The following CACNB2 variants were observed in gnomAD, a reference collection of about 807,000 sequenced individuals.
CACNB2 encodes the protein voltage-dependent L-type calcium channel subunit beta-2.
CACNB2 carries 42 observed loss-of-function variants against 73.3 expected under a neutral mutation model. The observed-to-expected ratio is 0.57, with a 90% CI of 0.45 to 0.74. The LOEUF (loss-of-function observed/expected upper bound fraction) is 0.74, where lower values mean the gene tolerates loss of function less well. Ranked by LOEUF, CACNB2 falls within the 30% of genes least tolerant of loss-of-function variation. CACNB2 has a pLI of 0.00. For synonymous variants in CACNB2, 348 were observed against 310.3 expected (o/e 1.12, Z -1.28); for missense variants, 940 against 853.0 (o/e 1.10, Z -1.27).
chr10:18,307,125 G>A (rs1417106747), intron 2 of CACNB2, among the ~76,000 whole-genome samples: 8 of 151,942 alleles, frequency 5.3e-5, no homozygotes, highest in South Asian at 2.1e-4. Flanking sequence ...AGGTGAAATC[G>A]TGTTTAAAAA....
intron 3 of CACNB2, among the ~76,000 whole-genome samples, chr10:18,419,127 G>A (rs2045174565): frequency 6.6e-6 from 1 of 152,190 alleles, no homozygotes; most frequent in Admixed American, 6.5e-5. Flanking sequence ...CTTTGGCTAT[G>A]ACAGAACAAG....
chr10:18,393,440 CTG>C (rs564671261), intron 2 of CACNB2, among the ~76,000 whole-genome samples: 70 of 152,278 alleles, frequency 4.6e-4, no homozygotes, highest in Non-Finnish European at 7.8e-4. Context: ...CTTCTATAAA[CTG>C]TAAATAGCCA....
rs144097536 is a variant in CACNB2, at chr10:18,281,390, T to C, written c.214-120534T>C. Among the ~76,000 whole-genome samples, 10 of 152,290 alleles carry C rather than the reference T, an allele frequency of 6.6e-5. 1 individual carries two copies. In the East Asian group the frequency reaches 1.5e-3, roughly 24 times the overall value. On this transcript the variant is annotated intron_variant, in intron 2 of 13. Coordinates refer to ENST00000324631, the MANE Select transcript of CACNB2 (RefSeq NM_201596.3). ...TTAGGAGCTGTGTGGGAAACAACAA[T>C]GAAAGTCAAACCACTTACCCTCAAG...
Position 18,298,869 on chromosome 10 carries a change from G to C in CACNB2, c.214-103055G>C, listed in dbSNP as rs187545636. ...GCAAAAACTGCTGTATGGGCTGTGTGGGCACACCTTTGAGCTCTTAGATGG... is the reference window on the plus strand; with the variant it reads ...GCAAAAACTGCTGTATGGGCTGTGTCGGCACACCTTTGAGCTCTTAGATGG... On this transcript the variant is annotated intron_variant, in intron 2 of 13. Transcript: ENST00000324631. 2.6e-4 allele frequency among the ~76,000 whole-genome samples: 40 copies of C among 152,174 alleles called. 1 individual carries two copies. Among genetic ancestry groups the C allele is most frequent in the African/African-American group, 9.4e-4 (39 of 41,528 alleles).
chr10:18,482,863 T>C (rs1589494333), intron 3 of CACNB2, among the ~76,000 whole-genome samples: 1 of 151,996 alleles, frequency 6.6e-6, no homozygotes, highest in Non-Finnish European at 1.5e-5. Context: ...ATTCTCAGAG[T>C]TTATTTGTAG....
intron 2 of CACNB2, chr10:18,260,529 T>C: frequency 2.0e-6 from 2 of 985,580 alleles, no homozygotes; most frequent in Non-Finnish European, 2.4e-6. Context: ...TTACAATTCA[T>C]GTGAAATACC....
intron 2 of CACNB2, among the ~76,000 whole-genome samples, chr10:18,197,116 A>T (rs924848995): frequency 1.3e-5 from 2 of 151,982 alleles, no homozygotes; most frequent in Admixed American, 6.6e-5. Context: ...CCCTATAATG[A>T]TCATGACATT....
At chr10:18,375,671 A>G (rs927107856) in intron 2 of CACNB2, among the ~76,000 whole-genome samples, 1 of 152,214 alleles carries the variant, frequency 6.6e-6, no homozygotes, top group Non-Finnish European at 1.5e-5. Context: ...GACATCTCTG[A>G]TAATCGTAGG....
At chr10:18,519,628 A>C (rs1030038287) in intron 9 of CACNB2, 1 of 440,742 alleles carries the variant, frequency 2.3e-6, no homozygotes, top group Non-Finnish European at 4.5e-6. Context: ...GTTCTAATGG[A>C]AACTCCATCA....
rs188399907 is a variant in CACNB2, at chr10:18,288,773, G to A, written c.214-113151G>A. Among the ~76,000 whole-genome samples, 23 of 151,560 alleles carry A rather than the reference G, an allele frequency of 1.5e-4. No homozygotes were observed. The East Asian group carries it at 4.1e-3, about 27-fold the overall frequency. On this transcript the variant is annotated intron_variant, in intron 2 of 13. Transcript: ENST00000324631. ...AAAAATCCTTTTCTCTGCCAGGCGC[G>A]GTGCCTCACACCTATAATCCCAGCA... is the stretch of plus-strand genomic sequence containing the variant.
At chr10:18,503,459 G>A (rs187159638) in intron 5 of CACNB2, among the ~76,000 whole-genome samples, 1 of 152,242 alleles carries the variant, frequency 6.6e-6, no homozygotes, top group Admixed American at 6.5e-5. Context: ...AGCTGGGTGT[G>A]GTGGTGCACA....
At chr10:18,156,600 T>C (rs1178910763) in intron 2 of CACNB2, among the ~76,000 whole-genome samples, 5 of 152,194 alleles carry the variant, frequency 3.3e-5, no homozygotes, top group African/African-American at 1.2e-4. Context: ...CTGTGAAATA[T>C]GAGGTTGCTG....
chr10:18,496,814 C>CAA (rs905870687), intron 3 of CACNB2, among the ~76,000 whole-genome samples: 3,200 of 44,980 alleles, frequency 0.071, 248 homozygotes, highest in African/African-American at 0.11. Flanking sequence ...AACTCCGCCT[C>CAA]AAAAAAAAAA....
intron 2 of CACNB2, among the ~76,000 whole-genome samples, chr10:18,221,758 A>C (rs1413083843): frequency 6.6e-6 from 1 of 152,236 alleles, no homozygotes; most frequent in Non-Finnish European, 1.5e-5. Flanking sequence ...AATTCATTGC[A>C]AAAGAAGTAA....
At chr10:18,405,598 C>T (rs1301521159) in intron 3 of CACNB2, among the ~76,000 whole-genome samples, 3 of 152,080 alleles carry the variant, frequency 2.0e-5, no homozygotes, top group Non-Finnish European at 1.5e-5. Context: ...AAAAACGATG[C>T]CTTCTGCCCT....
chr10:18,230,902 C>A (rs2036200386), intron 2 of CACNB2, among the ~76,000 whole-genome samples: 2 of 150,098 alleles, frequency 1.3e-5, no homozygotes, highest in African/African-American at 2.5e-5. Flanking sequence ...TTAAAATGAA[C>A]CATAAATTCT....
chr10:18,312,815 G>A (rs1443410106), intron 2 of CACNB2, among the ~76,000 whole-genome samples: 1 of 152,122 alleles, frequency 6.6e-6, no homozygotes, highest in African/African-American at 2.4e-5. Flanking sequence ...TCTTGGGGGC[G>A]GGGGCATTCA....
In CACNB2 at chr10:18,432,670, CA is replaced by C. The variant is rs914924840; in HGVS notation, c.333+30635del. On this transcript the variant is annotated intron_variant, in intron 3 of 13. Transcript: ENST00000324631. ...GCAACATGGTAAAACCTTGTCTCTACAAAAAAAATACAAAAACTAGCCCAGC... is the reference window on the plus strand; with the variant it reads ...GCAACATGGTAAAACCTTGTCTCTACAAAAAAATACAAAAACTAGCCCAGC... Among the ~76,000 whole-genome samples the C allele has an allele frequency of 2.6e-5, 4 of 151,556 alleles. No homozygotes were observed. The East Asian group carries it at 5.8e-4, about 22-fold the overall frequency.
At chr10:18,152,722 A>AAAG (rs2031680504) in intron 2 of CACNB2, among the ~76,000 whole-genome samples, 1 of 133,562 alleles carries the variant, frequency 7.5e-6, no homozygotes, top group African/African-American at 3.2e-5. Flanking sequence ...AAAAAAAAAA[A>AAAG]AAAAAAAAAA....
Sources: gnomAD v4.1 joint callset for allele counts (sites outside exome capture counted in the v4.1 genomes callset) on GRCh38, gnomAD v4.1.1 for gene constraint, MANE v1.5 for transcripts, NCBI Gene and HGNC (gene_info 2026-07-23, HGNC 2026-07-21) for gene names.